The following TMEM117 variants were observed in gnomAD, a reference collection of about 807,000 sequenced individuals.
TMEM117 encodes transmembrane protein 117.
A neutral mutation model predicts 52.4 loss-of-function variants in TMEM117; 27 were observed. The ratio of observed to expected loss-of-function variants is 0.51; its 90% CI spans 0.38 to 0.71. The LOEUF (loss-of-function observed/expected upper bound fraction) is 0.71, where lower values mean the gene tolerates loss of function less well. Among genes scored for constraint, TMEM117 ranks in the 30% least tolerant of loss-of-function variants. The pLI is 0.00. For missense variants in TMEM117, 556 were observed against 630.5 expected (o/e 0.88, Z 1.26); for synonymous variants, 215 against 206.3 (o/e 1.04, Z -0.36).
chr12:43,831,902 CA>C (rs1942985162), upstream of TMEM117, among the ~76,000 whole-genome samples: 1 of 152,074 alleles, frequency 6.6e-6, no homozygotes, highest in South Asian at 2.1e-4. Flanking sequence ...GATATGTAAA[CA>C]ACACACATTT....
At chr12:44,038,646 C>T (rs966186990) in intron 3 of TMEM117, among the ~76,000 whole-genome samples, 2 of 152,186 alleles carry the variant, frequency 1.3e-5, no homozygotes, top group Non-Finnish European at 2.9e-5. Context: ...CAAAGGTGCC[C>T]CTGGCCACAG....
chr12:44,074,152 T>C (rs1947345604), intron 3 of TMEM117, among the ~76,000 whole-genome samples: 1 of 152,166 alleles, frequency 6.6e-6, no homozygotes, highest in Non-Finnish European at 1.5e-5. Flanking sequence ...AAAAACCAAC[T>C]TACCTGGAAT....
chr12:44,298,057 T>A (rs933427270), intron 5 of TMEM117, among the ~76,000 whole-genome samples: 2 of 151,010 alleles, frequency 1.3e-5, no homozygotes, highest in African/African-American at 2.5e-5. Context: ...TCTAAAATTT[T>A]AAAAAATAAT....
chr12:44,069,078 A>G (rs1947263249), intron 3 of TMEM117, among the ~76,000 whole-genome samples: 1 of 152,132 alleles, frequency 6.6e-6, no homozygotes, highest in South Asian at 2.1e-4. Context: ...GTTTTTAGTT[A>G]TGTTTATTTA....
At chr12:44,229,854 A>G (rs1949910763) in intron 5 of TMEM117, among the ~76,000 whole-genome samples, 1 of 152,128 alleles carries the variant, frequency 6.6e-6, no homozygotes, top group Non-Finnish European at 1.5e-5. Flanking sequence ...CTTTATTCCA[A>G]TAATTTTAAT....
intron 3 of TMEM117, among the ~76,000 whole-genome samples, chr12:43,966,915 C>G (rs1041138782): frequency 6.6e-6 from 1 of 152,146 alleles, no homozygotes; most frequent in Non-Finnish European, 1.5e-5. Flanking sequence ...CTGTCATGCC[C>G]TGCCTCAGAT....
At chr12:43,908,793 C>T (rs1222952315) in intron 2 of TMEM117, among the ~76,000 whole-genome samples, 1 of 151,500 alleles carries the variant, frequency 6.6e-6, no homozygotes, top group Admixed American at 6.6e-5. Context: ...ACAAGAAGAG[C>T]TAACTATCCT....
At chr12:44,184,922 C>G (rs1298547413) in intron 4 of TMEM117, among the ~76,000 whole-genome samples, 1 of 152,166 alleles carries the variant, frequency 6.6e-6, no homozygotes, top group Non-Finnish European at 1.5e-5. Flanking sequence ...ATGCCAAGTA[C>G]TCGTACCTTT....
At chr12:44,338,491 C>T (rs1029485345) in intron 6 of TMEM117, among the ~76,000 whole-genome samples, 6 of 151,382 alleles carry the variant, frequency 4.0e-5, no homozygotes, top group African/African-American at 9.7e-5. Context: ...CACACACACA[C>T]GAAAAAGATG....
chr12:43,891,534 G>T (rs938021597), intron 2 of TMEM117, among the ~76,000 whole-genome samples: 1 of 151,398 alleles, frequency 6.6e-6, no homozygotes, highest in African/African-American at 2.4e-5. Flanking sequence ...CACCATGCCC[G>T]GCTAATTTTT....
intron 2 of TMEM117, among the ~76,000 whole-genome samples, chr12:43,909,531 A>G (rs1260746280): frequency 3.5e-5 from 5 of 144,812 alleles, no homozygotes; most frequent in Non-Finnish European, 6.1e-5. Context: ...GACACAAAAA[A>G]CCCTTCAAAA....
rs577330354 is a variant in TMEM117 at position 44,089,907 on chromosome 12, T to C, written c.411-53618T>C. Among the ~76,000 whole-genome samples, 237 of 152,322 alleles carry C rather than the reference T, an allele frequency of 1.6e-3. 3 individuals carry two copies. The highest frequency in any genetic ancestry group is 5.3e-3 in the African/African-American group (222 of 41,576). On this transcript the variant is annotated intron_variant, in intron 3 of 7. Coordinates refer to ENST00000266534, the MANE Select transcript of TMEM117 (RefSeq NM_032256.3). ...TGTGGCTGTGTTCCAACAAATTATC[T>C]ACAAATAATTTGTAATAATTATTAA...
rs765609995 is a variant in TMEM117, at chr12:43,887,018, TTA to T, written c.277+42094_277+42095del. 1.4e-3 allele frequency among the ~76,000 whole-genome samples: 214 copies of T among 152,260 alleles called. 1 individual carries two copies. Among genetic ancestry groups the T allele is most frequent in the Admixed American group, 3.0e-3 (46 of 15,286 alleles). On this transcript the variant is annotated intron_variant, in intron 2 of 7. Transcript: ENST00000266534. ...ACATGCCACGACAACCAGCTAATTT[TTA>T]TATGTTTCTGTAGAGATGGGGTTTT...
chr12:43,856,140 CA>C (rs1943396083), intron 2 of TMEM117, among the ~76,000 whole-genome samples: 1 of 152,144 alleles, frequency 6.6e-6, no homozygotes, highest in African/African-American at 2.4e-5. Context: ...ATTGTATTAT[CA>C]GAGTGCTAAG....
At chr12:44,367,413 C>T (rs914458011) in intron 6 of TMEM117, among the ~76,000 whole-genome samples, 4 of 152,084 alleles carry the variant, frequency 2.6e-5, no homozygotes, top group African/African-American at 9.7e-5. Flanking sequence ...TCATGCCTTC[C>T]CTTGTGAAAC....
intron 3 of TMEM117, among the ~76,000 whole-genome samples, chr12:44,090,561 C>T (rs1254330695): frequency 3.3e-5 from 5 of 151,770 alleles, no homozygotes; most frequent in African/African-American, 7.3e-5. Context: ...CTCGGCCTCC[C>T]GAGTAGCTGG....
At position 43,944,252 on chromosome 12, in the gene TMEM117, C is replaced by T. The variant is rs781567362; in HGVS notation, c.320C>T (p.Ser107Leu). ...RLKMFREDHGSWMTMFFSTIL... is the reference protein window; with the variant it reads ...RLKMFREDHGLWMTMFFSTIL... ...AAAATGTTTCGAGAAGATCATGGGT[C>T]GTGGATGACAATGTTCTTCAGCACA... The change falls in exon 3 of 8, where the codon TCG becomes TTG. Residue 107 changes from serine to leucine, a missense_variant. Physicochemically the swap from Ser to Leu is moderately radical, Grantham distance 145. This residue lies in a region of TMEM117 where 328 missense variants were observed against 371.4 expected (regional missense o/e 0.88). Transcript: ENST00000266534. The T allele has an allele frequency of 3.7e-6, 6 of 1,613,116 alleles. No homozygotes were observed. Among genetic ancestry groups the T allele is most frequent in the Non-Finnish European group, 5.1e-6 (6 of 1,179,332 alleles).
intron 5 of TMEM117, among the ~76,000 whole-genome samples, chr12:44,234,863 T>C (rs1234152168): frequency 1.3e-5 from 2 of 151,582 alleles, no homozygotes; most frequent in Non-Finnish European, 3.0e-5. Flanking sequence ...TATATCTCTT[T>C]ATATATCATC....
chr12:43,834,065 C>G (rs1378437851), upstream of TMEM117, among the ~76,000 whole-genome samples: 2 of 152,154 alleles, frequency 1.3e-5, no homozygotes, highest in African/African-American at 4.8e-5. Flanking sequence ...TGCACTCCAG[C>G]CTGGGGTACA....
Sources: gnomAD v4.1 joint callset for allele counts (sites outside exome capture counted in the v4.1 genomes callset) on GRCh38, gnomAD v4.1.1 for gene constraint, gnomAD v4.1.1 regional missense constraint, MANE v1.5 for transcripts, NCBI Gene and HGNC (gene_info 2026-07-23, HGNC 2026-07-21) for gene names.